UBASH3B: variants seen among roughly 807,000 people sequenced by gnomAD.
UBASH3B encodes the protein ubiquitin associated and SH3 domain containing B.
UBASH3B carries 37 observed loss-of-function variants against 83.4 expected under a neutral mutation model. The ratio of observed to expected loss-of-function variants is 0.44; its 90% CI spans 0.34 to 0.58. The LOEUF (loss-of-function observed/expected upper bound fraction) is 0.58, where lower values mean the gene tolerates loss of function less well. Ranked by LOEUF, UBASH3B falls within the 20% of genes least tolerant of loss-of-function variation. The pLI, the probability that UBASH3B is intolerant of heterozygous loss-of-function variation, is 0.01. For missense variants in UBASH3B, 657 were observed against 827.2 expected (o/e 0.79, Z 2.52); for synonymous variants, 304 against 318.3 (o/e 0.96, Z 0.48).
intron 11 of UBASH3B, among the ~76,000 whole-genome samples, chr11:122,805,561 A>G (rs1364398077): frequency 6.6e-6 from 1 of 152,120 alleles, no homozygotes; most frequent in African/African-American, 2.4e-5. Flanking sequence ...ACAACAAAAA[A>G]CAAATAACAA....
rs1433492327 is a variant in UBASH3B, at chr11:122,662,427, CTTTTCTTTTTT to C, written c.161+6222_161+6232del. 8.8e-5 allele frequency among the ~76,000 whole-genome samples: 12 copies of C among 136,204 alleles called. No individual in the cohort carries two copies. The South Asian group carries it at 3.0e-3, about 34-fold the overall frequency. The allele number at this position is 136,204 out of a possible 152,430, so 89.4% of individuals were successfully genotyped here. On this transcript the variant is annotated intron_variant, in intron 1 of 13. Coordinates refer to ENST00000284273, the MANE Select transcript of UBASH3B (RefSeq NM_032873.5). The stretch of plus-strand genomic sequence containing the variant: ...GCAGCCACCAGTCGCTTTTTCTTTT[CTTTTCTTTTTT>C]TTTTTTTTGAGACAGTTTCACTCTT...
At chr11:122,724,231 C>T (rs866348615) in intron 1 of UBASH3B, among the ~76,000 whole-genome samples, 28 of 152,214 alleles carry the variant, frequency 1.8e-4, no homozygotes, top group African/African-American at 3.4e-4. Flanking sequence ...CACTGTGCCT[C>T]GGTGTACTCA....
At position 122,779,437 on chromosome 11, in the gene UBASH3B, T is replaced by C. The variant is rs900236701; in HGVS notation, c.403-60T>C. On this transcript the variant is annotated intron_variant, in intron 3 of 13. Coordinates refer to ENST00000284273, the MANE Select transcript of UBASH3B (RefSeq NM_032873.5). ...CTGGGGAGAGGATGCCAATGTTAAG[T>C]AGCAGCAGACTTCCATCTCCCCTTG... 5.0e-6 allele frequency: 8 copies of C among 1,584,948 alleles called. No individual in the cohort carries two copies. The African/African-American group carries it at 8.1e-5, about 16-fold the overall frequency.
rs1195319648 is a variant in UBASH3B at position 122,789,310 on chromosome 11, T to C, written c.980+2T>C. 2 of 1,614,110 alleles carry C rather than the reference T, an allele frequency of 1.2e-6. No individual in the cohort carries two copies. Among genetic ancestry groups the C allele is most frequent in the Admixed American group, 1.7e-5 (1 of 60,022 alleles). ...ATGCAGCACCTGGATATTTCATGGGTAAGCAGACACAAAGACCTTTATGCC... is the reference window on the plus strand; with the variant it reads ...ATGCAGCACCTGGATATTTCATGGGCAAGCAGACACAAAGACCTTTATGCC... On this transcript the variant is annotated splice_donor_variant, in intron 6 of 13. Transcript: ENST00000284273. LOFTEE classifies it high-confidence loss of function.
At position 122,789,281 on chromosome 11, in the gene UBASH3B, A is replaced by T. The variant is rs905124942; in HGVS notation, c.953A>T (p.Asp318Val). The T allele has an allele frequency of 3.7e-6, 6 of 1,614,104 alleles. No homozygotes were observed. The highest frequency in any genetic ancestry group is 4.2e-6 in the Non-Finnish European group (5 of 1,180,038). The stretch of plus-strand genomic sequence containing the variant: ...CCTGAGAATTACATTACCAAGGCTG[A>T]TGAATGCAGCACCTGGATATTTCAT... ...LLPENYITKA[D>V]ECSTWIFHGS... Residue 318 changes from aspartate to valine, a missense_variant, in exon 6 of 14, where the codon GAT (aspartate) becomes GTT (valine). This residue lies in a region of UBASH3B where 573 missense variants were observed against 739.0 expected (regional missense o/e 0.78). Transcript: ENST00000284273.
chr11:122,801,288 A>G lies in UBASH3B; in HGVS notation c.1551A>G (p.Pro517=), dbSNP rs1861255054. Reference sequence around the variant, plus strand: ...GCACATTACCTGCATGGATACCTCCATCAGAGTTAGCTGCAGCCAACCTGA... The same window carrying G: ...GCACATTACCTGCATGGATACCTCCGTCAGAGTTAGCTGCAGCCAACCTGA... The part of the protein sequence containing the change: ...AGSTLPAWIP[P]SELAAANLSV... The change falls in exon 11 of 14, where the codon CCA becomes CCG. Residue 517 remains proline, a synonymous_variant. Coordinates refer to ENST00000284273, the MANE Select transcript of UBASH3B (RefSeq NM_032873.5). 2.5e-6 allele frequency: 4 copies of G among 1,614,232 alleles called. No homozygotes were observed. Among genetic ancestry groups the G allele is most frequent in the Non-Finnish European group, 8.5e-7 (1 of 1,180,032 alleles).
chr11:122,665,939 C>A (rs1863509503), intron 1 of UBASH3B, among the ~76,000 whole-genome samples: 1 of 152,182 alleles, frequency 6.6e-6, no homozygotes, highest in South Asian at 2.1e-4. Flanking sequence ...GGTGACACTT[C>A]CCGTTGTGCT....
chr11:122,670,964 C>T (rs575999282), intron 1 of UBASH3B, among the ~76,000 whole-genome samples: 9 of 151,784 alleles, frequency 5.9e-5, no homozygotes, highest in Non-Finnish European at 1.3e-4. Context: ...GGTTTCGCCA[C>T]GTTGCCCAGG....
Position 122,674,682 on chromosome 11 carries a change from A to G in UBASH3B, c.161+18472A>G, listed in dbSNP as rs117355855. 2.5e-3 allele frequency among the ~76,000 whole-genome samples: 377 copies of G among 149,926 alleles called. 2 individuals are homozygous for G. The highest frequency in any genetic ancestry group is 4.1e-3 in the Non-Finnish European group (279 of 67,648). On this transcript the variant is annotated intron_variant, in intron 1 of 13. Transcript: ENST00000284273. ...AGGCATGAGCCACCGCGCCCAGCCC[A>G]AACATTGTCTTCTTACTCAGCACAG...
chr11:122,735,138 GA>G (rs1485836283), intron 1 of UBASH3B, among the ~76,000 whole-genome samples: 1 of 152,100 alleles, frequency 6.6e-6, no homozygotes, highest in Non-Finnish European at 1.5e-5. Context: ...GAGTAGAGAA[GA>G]ACTGCATAAA....
At chr11:122,792,271 T>G (rs1201268615) in intron 6 of UBASH3B, among the ~76,000 whole-genome samples, 1 of 151,898 alleles carries the variant, frequency 6.6e-6, no homozygotes, top group African/African-American at 2.4e-5. Context: ...CCTGAAGCTT[T>G]GATGAGTCAG....
chr11:122,677,689 C>T (rs1355940210), intron 1 of UBASH3B, among the ~76,000 whole-genome samples: 1 of 152,138 alleles, frequency 6.6e-6, no homozygotes, highest in Non-Finnish European at 1.5e-5. Flanking sequence ...TTTGTATACC[C>T]TGTGCTAGCT....
At position 122,655,907 on chromosome 11, in the gene UBASH3B, G is replaced by C. The variant is rs924369679; in HGVS notation, c.-143G>C. On this transcript the variant is annotated 5_prime_UTR_variant, in exon 1 of 14. Coordinates refer to ENST00000284273, the MANE Select transcript of UBASH3B (RefSeq NM_032873.5). ...GCGTCAGAGTCCCGACACTGGGGAA[G>C]CTCGGAGCGCCGCCTCCGCTGCCGC... is the stretch of plus-strand genomic sequence containing the variant. 4.4e-6 allele frequency: 4 copies of C among 909,200 alleles called. No homozygotes were observed. The highest frequency in any genetic ancestry group is 6.2e-6 in the Non-Finnish European group (4 of 647,436). The allele number at this position is 909,200 out of a possible 1,614,324, so 56.3% of individuals were successfully genotyped here. A position where few individuals can be genotyped will look rare whatever the true frequency, so the allele number is the denominator to read the frequency against.
At chr11:122,786,581 C>T (rs1282381577) in intron 5 of UBASH3B, among the ~76,000 whole-genome samples, 3 of 152,182 alleles carry the variant, frequency 2.0e-5, no homozygotes, top group South Asian at 4.1e-4. Flanking sequence ...CTCTTGAATC[C>T]GGGAGGCAGA....
intron 1 of UBASH3B, among the ~76,000 whole-genome samples, chr11:122,725,639 G>T (rs1478580074): frequency 6.6e-6 from 1 of 152,124 alleles, no homozygotes; most frequent in Admixed American, 6.5e-5. Context: ...TGCAAATGTA[G>T]CCTACTCAGG....
At chr11:122,685,991 G>T (rs914470391) in intron 1 of UBASH3B, among the ~76,000 whole-genome samples, 2 of 152,164 alleles carry the variant, frequency 1.3e-5, no homozygotes, top group African/African-American at 2.4e-5. Flanking sequence ...AAGCCCACAC[G>T]CCAGGGAGGA....
At chr11:122,807,915 C>T (rs1009392199) in intron 12 of UBASH3B, 152 bp from the exon 13 acceptor site, 1 of 686,936 alleles carries the variant, frequency 1.5e-6, no homozygotes. Context: ...GCTGCCTTAT[C>T]AGTAACAAAG....
At chr11:122,800,311 G>A (rs914718182) in intron 10 of UBASH3B, among the ~76,000 whole-genome samples, 3 of 151,304 alleles carry the variant, frequency 2.0e-5, no homozygotes, top group African/African-American at 4.9e-5. Flanking sequence ...AGGCCGAGGC[G>A]GGCGGTTCAC....
At chr11:122,773,792 C>G (rs746959720) in intron 1 of UBASH3B, among the ~76,000 whole-genome samples, 1 of 152,128 alleles carries the variant, frequency 6.6e-6, no homozygotes, top group Admixed American at 6.5e-5. Context: ...TTAATTAGAT[C>G]TTTCATTTCC....
Sources: gnomAD v4.1 joint callset for allele counts (sites outside exome capture counted in the v4.1 genomes callset) on GRCh38, gnomAD v4.1.1 for gene constraint, gnomAD v4.1.1 regional missense constraint, MANE v1.5 for transcripts, NCBI Gene and HGNC (gene_info 2026-07-23, HGNC 2026-07-21) for gene names.